The following PDE4A variants were observed in gnomAD, a reference collection of about 807,000 sequenced individuals.
The protein encoded by PDE4A is 3',5'-cyclic-AMP phosphodiesterase 4A.
PDE4A carries 21 observed loss-of-function variants against 73.9 expected under a neutral mutation model. That is an observed-to-expected ratio of 0.28 (90% CI 0.20 to 0.41). The LOEUF is 0.41. Ranked by LOEUF, PDE4A falls within the 10% of genes least tolerant of loss-of-function variation. PDE4A has a pLI of 1.00. For synonymous variants in PDE4A, 463 were observed against 505.4 expected (o/e 0.92, Z 1.13); for missense variants, 958 against 1,211.4 (o/e 0.79, Z 3.10).
At chr19:10,440,316 A>C (rs2042920286) in intron 1 of PDE4A, among the ~76,000 whole-genome samples, 1 of 151,822 alleles carries the variant, frequency 6.6e-6, no homozygotes, top group Admixed American at 6.6e-5. Flanking sequence ...CGTTTCCCTG[A>C]TGAGTGATGT....
Position 10,446,405 on chromosome 19 carries a change from G to A in PDE4A, c.508G>A (p.Glu170Lys), listed in dbSNP as rs371410907. 1 of 1,603,770 alleles carries A rather than the reference G, an allele frequency of 6.2e-7. No individual in the cohort carries two copies. Among genetic ancestry groups the A allele is most frequent in the Non-Finnish European group, 8.5e-7 (1 of 1,171,654 alleles). The change falls in exon 2 of 15, where the codon GAG becomes AAG. Residue 170 changes from glutamate (E) to lysine (K), a missense_variant. Glu to Lys is a moderately conservative substitution (Grantham distance 56, BLOSUM62 1). This residue lies in a region of PDE4A where 570 missense variants were observed against 827.7 expected (regional missense o/e 0.69). Transcript: ENST00000380702. ...GTCCCGGAACTCATCGGTCACCAGC[G>A]AGGCGTGAGCATCCTTCTCCCCACA... ...TMSRNSSVTS[E>K]AHAEDLIVTP...
At chr19:10,423,052 A>T in intron 1 of PDE4A, 1 of 969,384 alleles carries the variant, frequency 1.0e-6, no homozygotes, top group Non-Finnish European at 1.2e-6. Context: ...GCTCCATGCC[A>T]GGGACTTTTC....
intron 14 of PDE4A, among the ~76,000 whole-genome samples, chr19:10,465,417 TC>T (rs1378193444): frequency 6.6e-6 from 1 of 150,756 alleles, no homozygotes; most frequent in Non-Finnish European, 1.5e-5. Flanking sequence ...ATGGTGTTTC[TC>T]CATGTTGGTC....
chr19:10,448,849 C>T (rs2043049562), intron 2 of PDE4A, 68 bp from the exon 3 acceptor site: 1 of 1,607,218 alleles, frequency 6.2e-7, no homozygotes, highest in Non-Finnish European at 8.5e-7. Flanking sequence ...GGTCCAGCCT[C>T]ACAGGGCATC....
intron 4 of PDE4A, among the ~76,000 whole-genome samples, chr19:10,449,930 T>TA (rs36076742): frequency 0.12 from 16,676 of 141,726 alleles, 1,034 homozygotes; most frequent in Middle Eastern, 0.21. Flanking sequence ...ACCCTGTCTC[T>TA]AAAAAAAAAA....
Position 10,458,199 on chromosome 19 carries a change from C to A in PDE4A, c.1101+97C>A. On this transcript the variant is annotated intron_variant, in intron 8 of 14. Coordinates refer to ENST00000380702, the MANE Select transcript of PDE4A (RefSeq NM_001111307.2). The surrounding 1 kb of genome is among the most constrained non-coding windows in gnomAD (Gnocchi z 4.6). ...GGGTTATGTCTTAGGCCAGGTTTCC[C>A]AGAAGCAGAGCTTGAGATGAGGGTT... is the stretch of plus-strand genomic sequence containing the variant. 1 of 1,177,086 alleles carries A rather than the reference C, an allele frequency of 8.5e-7. No homozygotes were observed. The highest frequency in any genetic ancestry group is 1.2e-6 in the Non-Finnish European group (1 of 818,476). The allele number at this position is 1,177,086 out of a possible 1,614,324, so 72.9% of individuals were successfully genotyped here.
At chr19:10,440,066 C>T (rs1009587121) in intron 1 of PDE4A, among the ~76,000 whole-genome samples, 3 of 145,310 alleles carry the variant, frequency 2.1e-5, no homozygotes, top group African/African-American at 7.7e-5. Context: ...TTCACTGCAG[C>T]CTCTGCCACC....
intron 9 of PDE4A, 42 bp downstream of exon 9, chr19:10,459,540 T>TA (rs1431954033): frequency 6.2e-7 from 1 of 1,611,552 alleles, no homozygotes. Flanking sequence ...GAGGGGCTCA[T>TA]AGCGGGGCGC....
Position 10,463,898 on chromosome 19 carries a change from G to C in PDE4A, c.1849G>C (p.Gly617Arg). The C allele has an allele frequency of 6.2e-7, 1 of 1,614,132 alleles. No homozygotes were observed. The highest frequency in any genetic ancestry group is 8.5e-7 in the Non-Finnish European group (1 of 1,180,028). ...DRIMAEFFQQ[G>R]DRERERGMEI... ...CATCATGGCCGAGTTCTTCCAGCAG[G>C]GTGACCGAGAGCGCGAGCGTGGCAT... The change falls in exon 14 of 15, where the codon GGT (glycine) becomes CGT (arginine). Residue 617 changes from glycine (G) to arginine (R), a missense_variant. Physicochemically the swap from Gly to Arg is moderately radical, Grantham distance 125. This residue lies in a region of PDE4A where 570 missense variants were observed against 827.7 expected (regional missense o/e 0.69). Transcript: ENST00000380702.
chr19:10,454,955 G>T (rs369711535), intron 7 of PDE4A, 33 bp downstream of exon 7: 24 of 1,608,628 alleles, frequency 1.5e-5, no homozygotes, highest in Non-Finnish European at 2.0e-5. Context: ...GATTGGAGGG[G>T]GGACATTTGG....
intron 14 of PDE4A, chr19:10,464,484 A>G: frequency 2.2e-6 from 1 of 453,610 alleles, no homozygotes; most frequent in Non-Finnish European, 4.4e-6. Context: ...TGGTGTGATC[A>G]TAGCTCACTG....
intron 10 of PDE4A, among the ~76,000 whole-genome samples, chr19:10,460,359 C>A (rs1243752078): frequency 6.6e-6 from 1 of 151,786 alleles, no homozygotes; most frequent in Admixed American, 6.6e-5. Flanking sequence ...ATTAGCCGGG[C>A]GTGGTGGGGC....
chr19:10,451,831 C>T (rs2043095685), intron 6 of PDE4A, among the ~76,000 whole-genome samples: 1 of 151,972 alleles, frequency 6.6e-6, no homozygotes, highest in South Asian at 2.1e-4. Flanking sequence ...GGTAACAGCC[C>T]TTGTGGGCGG....
chr19:10,463,691 G>A lies in PDE4A; in HGVS notation c.1744-102G>A, dbSNP rs570515041. The A allele has an allele frequency of 6.4e-6, 10 of 1,554,506 alleles. No individual in the cohort carries two copies. In the East Asian group the frequency reaches 1.8e-4, roughly 28 times the overall value. On this transcript the variant is annotated intron_variant, in intron 13 of 14. Coordinates refer to ENST00000380702, the MANE Select transcript of PDE4A (RefSeq NM_001111307.2). Reference sequence around the variant, plus strand: ...ACTGGAATTACAGGCGTGAGCCACAGTGCCTGGCCCCCATTTCTTAAAAAA... The same window carrying A: ...ACTGGAATTACAGGCGTGAGCCACAATGCCTGGCCCCCATTTCTTAAAAAA...
chr19:10,450,682 C>T lies in PDE4A; in HGVS notation c.670+30C>T, dbSNP rs373795754. On this transcript the variant is annotated intron_variant, in intron 5 of 14. Coordinates refer to ENST00000380702, the MANE Select transcript of PDE4A (RefSeq NM_001111307.2). The stretch of plus-strand genomic sequence containing the variant: ...CTAAGCCCAGAGGGGTGGGAAGGGG[C>T]CCCCCTTGCTGCCCCAGTGGGGGTC... The T allele has an allele frequency of 4.7e-5, 75 of 1,595,354 alleles. 1 individual carries two copies. The Admixed American group carries it at 7.7e-4, about 16-fold the overall frequency.
chr19:10,417,607 G>T, upstream of PDE4A: 3 of 1,525,526 alleles, frequency 2.0e-6, no homozygotes, highest in South Asian at 3.6e-5. Context: ...GGGGAGAGGG[G>T]CTCAGAGCTT....
At chr19:10,457,431 C>CGGGGGGGG (rs372266239) in intron 7 of PDE4A, among the ~76,000 whole-genome samples, 2 of 39,384 alleles carry the variant, frequency 5.1e-5, no homozygotes, top group Admixed American at 3.6e-4. Context: ...CCAAGGTGGG[C>CGGGGGGGG]GGGGGGGGGG....
At chr19:10,430,049 G>C (rs1483035274) in intron 1 of PDE4A, among the ~76,000 whole-genome samples, 1 of 152,038 alleles carries the variant, frequency 6.6e-6, no homozygotes, top group Non-Finnish European at 1.5e-5. Flanking sequence ...GGATTCTGGG[G>C]GTACTGAGGG....
intron 2 of PDE4A, among the ~76,000 whole-genome samples, chr19:10,446,965 C>T (rs1476890840): frequency 6.8e-6 from 1 of 147,664 alleles, no homozygotes; most frequent in African/African-American, 2.5e-5. Context: ...GTGGTGCGAT[C>T]GCGGCTCACT....
Sources: gnomAD v4.1 joint callset for allele counts (sites outside exome capture counted in the v4.1 genomes callset) on GRCh38, gnomAD v4.1.1 for gene constraint, gnomAD v4.1.1 regional missense constraint, Gnocchi (gnomAD v3.1) non-coding constraint, MANE v1.5 for transcripts, NCBI Gene and HGNC (gene_info 2026-07-23, HGNC 2026-07-21) for gene names.